TTC13: variants seen among roughly 807,000 people sequenced by gnomAD.
TTC13 encodes tetratricopeptide repeat protein 13.
TTC13 carries 62 observed loss-of-function variants against 120.0 expected under a neutral mutation model. That is an observed-to-expected ratio of 0.52 (90% CI 0.42 to 0.64). The LOEUF is 0.64. Ranked by LOEUF, TTC13 falls within the 30% of genes least tolerant of loss-of-function variation. TTC13 has a pLI of 0.00. For missense variants in TTC13, 824 were observed against 1,050.2 expected (o/e 0.78, Z 2.98); for synonymous variants, 384 against 393.5 (o/e 0.98, Z 0.28).
At position 230,931,695 on chromosome 1, in the gene TTC13, C is replaced by T. The variant is rs113485535; in HGVS notation, c.1125+41G>A. On this transcript the variant is annotated intron_variant, in intron 10 of 22. Transcript: ENST00000366661. Reference sequence around the variant, plus strand: ...CACTAAACTTCAATGAAGAATAATCCAGTAATTCCAATTACAGTGTTCTTA... The same window carrying T: ...CACTAAACTTCAATGAAGAATAATCTAGTAATTCCAATTACAGTGTTCTTA... 61 of 1,606,172 alleles carry T rather than the reference C, an allele frequency of 3.8e-5. 1 individual carries two copies. The African/African-American group carries it at 6.0e-4, about 16-fold the overall frequency.
chr1:230,965,344 C>T (rs145869150), intron 1 of TTC13, among the ~76,000 whole-genome samples: 6 of 152,240 alleles, frequency 3.9e-5, no homozygotes, highest in South Asian at 2.1e-4. Context: ...TTAAGACATA[C>T]AAAAGGCCAA....
intron 17 of TTC13, among the ~76,000 whole-genome samples, chr1:230,916,516 G>A (rs1672048302): frequency 6.6e-6 from 1 of 152,102 alleles, no homozygotes; most frequent in South Asian, 2.1e-4. Flanking sequence ...TCCTACCAGA[G>A]GCCAGCAGAG....
Position 230,939,512 on chromosome 1 carries a change from T to A in TTC13, c.790-16A>T, listed in dbSNP as rs1558194298. 1 of 1,529,348 alleles carries A rather than the reference T, an allele frequency of 6.5e-7. No individual in the cohort carries two copies. The highest frequency in any genetic ancestry group is 2.3e-5 in the East Asian group (1 of 44,210). The allele number at this position is 1,529,348 out of a possible 1,614,324, so 94.7% of individuals were successfully genotyped here. A position where few individuals can be genotyped will look rare whatever the true frequency, so the allele number is the denominator to read the frequency against. On this transcript the variant is annotated splice_polypyrimidine_tract_variant and intron_variant, in intron 7 of 22. Transcript: ENST00000366661. Reference sequence around the variant, plus strand: ...TTGCATAGTCCTACAAAAAGGAGAGTGGGGGGAAAAATAAAATAGTATTCA... The same window carrying A: ...TTGCATAGTCCTACAAAAAGGAGAGAGGGGGGAAAAATAAAATAGTATTCA...
intron 8 of TTC13, among the ~76,000 whole-genome samples, chr1:230,938,868 C>A (rs569922494): frequency 6.6e-6 from 1 of 152,154 alleles, no homozygotes; most frequent in Admixed American, 6.5e-5. Flanking sequence ...TGCCCTCCAC[C>A]GACCTTCCAG....
chr1:230,949,944 C>T (rs1307332198), intron 4 of TTC13, among the ~76,000 whole-genome samples: 5 of 152,210 alleles, frequency 3.3e-5, no homozygotes, highest in Non-Finnish European at 5.9e-5. Context: ...CCACCACGCC[C>T]GGCCCAATTT....
intron 9 of TTC13, 43 bp from the exon 10 acceptor site, chr1:230,931,920 G>A (rs1001226951): frequency 1.2e-5 from 19 of 1,578,948 alleles, no homozygotes; most frequent in East Asian, 4.5e-5. Context: ...TAGATATTAC[G>A]GGAAACATAC....
chr1:230,921,518 A>G lies in TTC13; in HGVS notation c.1815-14T>C. On this transcript the variant is annotated splice_polypyrimidine_tract_variant and intron_variant, in intron 15 of 22. Transcript: ENST00000366661. ...ATCACCTGACCCCTATAAGGCAAAA[A>G]TAATAAAATTAAGAATATTTTTATA... 1 of 1,338,942 alleles carries G rather than the reference A, an allele frequency of 7.5e-7. No individual in the cohort carries two copies. The highest frequency in any genetic ancestry group is 1.5e-5 in the African/African-American group (1 of 65,962). 82.9% of individuals were successfully genotyped at this position (1,338,942 alleles called of 1,614,324 possible).
intron 18 of TTC13, among the ~76,000 whole-genome samples, chr1:230,915,903 G>GC (rs57926272): frequency 0.67 from 101,633 of 151,206 alleles, 34,197 homozygotes; most frequent in Admixed American, 0.72. Context: ...AGCCTCCCTC[G>GC]CCCCCCCAAG....
At chr1:230,932,391 T>C (rs1331114461) in intron 9 of TTC13, among the ~76,000 whole-genome samples, 1 of 152,016 alleles carries the variant, frequency 6.6e-6, no homozygotes, top group Non-Finnish European at 1.5e-5. Context: ...TATTTTAGAA[T>C]TGTAACCATT....
At chr1:230,933,949 C>A (rs1397356597) in intron 8 of TTC13, 88 bp from the exon 9 acceptor site, 2 of 747,716 alleles carry the variant, frequency 2.7e-6, no homozygotes, top group African/African-American at 1.8e-5. Flanking sequence ...AAATATATAT[C>A]CTAGTCTCTG....
chr1:230,969,635 G>A (rs1024625810), intron 1 of TTC13, among the ~76,000 whole-genome samples: 2 of 152,156 alleles, frequency 1.3e-5, no homozygotes, highest in Non-Finnish European at 2.9e-5. Flanking sequence ...TTAGTTTGAA[G>A]GCAATGTAAC....
intron 21 of TTC13, 56 bp downstream of exon 21, chr1:230,908,886 C>T: frequency 6.2e-7 from 1 of 1,609,284 alleles, no homozygotes; most frequent in East Asian, 2.2e-5. Context: ...AATAAAAATC[C>T]ATAAATTGGG....
At chr1:230,934,956 A>G (rs1434293910) in intron 8 of TTC13, among the ~76,000 whole-genome samples, 1 of 152,222 alleles carries the variant, frequency 6.6e-6, no homozygotes, top group African/African-American at 2.4e-5. Flanking sequence ...AAAGGCATTC[A>G]TTCCCTGCAC....
rs781385702 is a variant in TTC13 at position 230,911,467 on chromosome 1, T to C, written c.2309+3A>G. ...ATAATTTTAATGACAGGATATTACT[T>C]ACCTGGATCCTCGAGAGAGTGGCAT... On this transcript the variant is annotated splice_donor_region_variant and intron_variant, in intron 20 of 22. Transcript: ENST00000366661. 3 of 1,573,106 alleles carry C rather than the reference T, an allele frequency of 1.9e-6. No homozygotes were observed. In the Admixed American group the frequency reaches 5.6e-5, roughly 30 times the overall value.
At chr1:230,943,694 A>C in intron 6 of TTC13, 112 bp downstream of exon 6, 1 of 788,628 alleles carries the variant, frequency 1.3e-6, no homozygotes. Flanking sequence ...GACATAGAAA[A>C]ACATAAGAGT....
intron 18 of TTC13, among the ~76,000 whole-genome samples, chr1:230,915,311 A>G (rs1297247324): frequency 2.0e-5 from 3 of 151,984 alleles, no homozygotes; most frequent in Non-Finnish European, 4.4e-5. Context: ...GGGGGAGGGC[A>G]TGGCACTTCC....
chr1:230,916,436 G>A (rs1277505592), intron 17 of TTC13, 134 bp from the exon 18 acceptor site: 13 of 710,900 alleles, frequency 1.8e-5, no homozygotes, highest in East Asian at 1.6e-4. Flanking sequence ...AAGAGATGGT[G>A]GCCTGGTGGC....
At chr1:230,951,392 T>C (rs578069173) in intron 4 of TTC13, among the ~76,000 whole-genome samples, 6 of 151,656 alleles carry the variant, frequency 4.0e-5, no homozygotes, top group Admixed American at 3.9e-4. Flanking sequence ...AAAAAAAGAT[T>C]GCCAAGAGTT....
intron 22 of TTC13, chr1:230,908,388 C>T: frequency 2.1e-6 from 1 of 468,768 alleles, no homozygotes; most frequent in South Asian, 1.6e-5. Flanking sequence ...AGCAGTTTCA[C>T]TATGTTGCCC....
Sources: gnomAD v4.1 joint callset for allele counts (sites outside exome capture counted in the v4.1 genomes callset) on GRCh38, gnomAD v4.1.1 for gene constraint, MANE v1.5 for transcripts, NCBI Gene and HGNC (gene_info 2026-07-23, HGNC 2026-07-21) for gene names.